The following MINDY4 variants were observed in gnomAD, a reference collection of about 807,000 sequenced individuals.
MINDY4 encodes MINDY lysine 48 deubiquitinase 4.
A neutral mutation model predicts 87.0 loss-of-function variants in MINDY4; 68 were observed. The observed-to-expected ratio is 0.78, with a 90% confidence interval of 0.64 to 0.96. The LOEUF is 0.96. Ranked by LOEUF, MINDY4 falls within the 40% of genes least tolerant of loss-of-function variation. The pLI is 0.00. For synonymous variants in MINDY4, 379 were observed against 363.2 expected (o/e 1.04, Z -0.50); for missense variants, 919 against 928.2 (o/e 0.99, Z 0.13).
chr7:30,810,174 CAAAAAA>C (rs58498956), intron 5 of MINDY4, among the ~76,000 whole-genome samples: 21 of 66,708 alleles, frequency 3.1e-4, no homozygotes, highest in Middle Eastern at 0.016. Context: ...GACTCTGTTT[CAAAAAA>C]AAAAAAAAAA....
intron 5 of MINDY4, among the ~76,000 whole-genome samples, chr7:30,807,746 T>C (rs1008180624): frequency 5.9e-5 from 9 of 152,278 alleles, no homozygotes; most frequent in African/African-American, 1.2e-4. Flanking sequence ...CCTGTCCTGT[T>C]CTGTTCTGTT....
chr7:30,873,392 T>A (rs1359989328), intron 14 of MINDY4, among the ~76,000 whole-genome samples: 1 of 152,194 alleles, frequency 6.6e-6, no homozygotes. Flanking sequence ...GTTCTCTGTT[T>A]CACTCACAAT....
chr7:30,792,169 A>G (rs1483721374), intron 5 of MINDY4, among the ~76,000 whole-genome samples: 1 of 152,216 alleles, frequency 6.6e-6, no homozygotes, highest in African/African-American at 2.4e-5. Flanking sequence ...ATTCTTTACA[A>G]TAAGCCTTAA....
At chr7:30,830,550 A>G (rs1402184824) in intron 6 of MINDY4, among the ~76,000 whole-genome samples, 1 of 152,220 alleles carries the variant, frequency 6.6e-6, no homozygotes, top group Non-Finnish European at 1.5e-5. Flanking sequence ...GGTGGCAGGA[A>G]GGAGAAGTCC....
intron 12 of MINDY4, 124 bp downstream of exon 12, chr7:30,853,583 G>A (rs1789484312): frequency 1.1e-6 from 1 of 869,848 alleles, no homozygotes; most frequent in Admixed American, 2.0e-5. Flanking sequence ...GAGGAAGCTG[G>A]GAAGGAGTAA....
chr7:30,839,138 C>A, intron 7 of MINDY4, 62 bp from the exon 8 acceptor site: 1 of 1,116,932 alleles, frequency 9.0e-7, no homozygotes, highest in Non-Finnish European at 1.3e-6. Context: ...AATATGCACA[C>A]TGAACATCGT....
At chr7:30,812,278 G>C (rs13311603) in intron 5 of MINDY4, among the ~76,000 whole-genome samples, 4 of 96,960 alleles carry the variant, frequency 4.1e-5, no homozygotes, top group South Asian at 6.7e-4. Context: ...TTGAGGGGGG[G>C]GGGGTATGTA....
chr7:30,847,451 G>A (rs1037192343), intron 9 of MINDY4, among the ~76,000 whole-genome samples: 9 of 152,142 alleles, frequency 5.9e-5, no homozygotes, highest in African/African-American at 1.7e-4. Context: ...AGGCAAAGGA[G>A]GCTGGTTCCT....
chr7:30,776,601 G>C (rs1786824854), intron 1 of MINDY4, among the ~76,000 whole-genome samples: 1 of 152,172 alleles, frequency 6.6e-6, no homozygotes, highest in Non-Finnish European at 1.5e-5. Context: ...CTAGCAACTG[G>C]ACTTACGGAC....
chr7:30,819,255 C>T (rs1788251589), intron 5 of MINDY4, among the ~76,000 whole-genome samples: 3 of 152,200 alleles, frequency 2.0e-5, no homozygotes, highest in South Asian at 4.2e-4. Flanking sequence ...TAATGTTAAC[C>T]ATTTTGAAAT....
intron 13 of MINDY4, among the ~76,000 whole-genome samples, chr7:30,860,067 G>A (rs1789702607): frequency 6.6e-6 from 1 of 152,162 alleles, no homozygotes; most frequent in Non-Finnish European, 1.5e-5. Context: ...TCACTTTCAA[G>A]CAGAGGACAG....
At chr7:30,855,006 A>G (rs1391941976) in intron 12 of MINDY4, among the ~76,000 whole-genome samples, 2 of 152,242 alleles carry the variant, frequency 1.3e-5, no homozygotes, top group African/African-American at 4.8e-5. Context: ...CGGGAGCCCC[A>G]GGCTGTCTGT....
intron 10 of MINDY4, among the ~76,000 whole-genome samples, chr7:30,851,598 T>C (rs1789414536): frequency 6.6e-6 from 1 of 152,250 alleles, no homozygotes; most frequent in African/African-American, 2.4e-5. Context: ...ACCTTCCAGT[T>C]AACTTATTAA....
intron 15 of MINDY4, among the ~76,000 whole-genome samples, chr7:30,879,651 T>G (rs1790398982): frequency 6.6e-6 from 1 of 152,216 alleles, no homozygotes; most frequent in Non-Finnish European, 1.5e-5. Flanking sequence ...CTTTTCCCTG[T>G]TATCGTTTTG....
At chr7:30,849,143 C>T (rs2128570366) in intron 9 of MINDY4, among the ~76,000 whole-genome samples, 1 of 152,318 alleles carries the variant, frequency 6.6e-6, no homozygotes, top group Non-Finnish European at 1.5e-5. Context: ...TGACCACATG[C>T]TGCCCACTGT....
At position 30,882,924 on chromosome 7, in the gene MINDY4, C is replaced by G; in HGVS notation, c.2156C>G (p.Thr719Ser). Residue 719 changes from threonine (T) to serine (S), a missense_variant, in exon 17 of 18, where the codon ACC becomes AGC. By Grantham distance (58) the Thr-to-Ser change is moderately conservative. Transcript: ENST00000265299. ...GTGCCTCTCTCCTCCTTCCCAGACA[C>G]CACCCAAACCATCTCTGAGGACACA... ...QQEQIRLTID[T>S]TQTISEDTDN... 6.2e-7 allele frequency: 1 copy of G among 1,613,946 alleles called. No homozygotes were observed.
At position 30,791,246 on chromosome 7, in the gene MINDY4, C is replaced by T. The variant is rs780649449; in HGVS notation, c.745C>T (p.Pro249Ser). ...ACCCCAAGAAGAGAGCCGGAAGGTC[C>T]CTGAGCTCTTTGTCTGCACCCAACA... The part of the protein sequence containing the change: ...TQPQEESRKV[P>S]ELFVCTQQDI... The change falls in exon 5 of 18, where the codon CCT becomes TCT. Residue 249 changes from proline (P) to serine (S), a missense_variant. Physicochemically the swap from Pro to Ser is moderately conservative, Grantham distance 74. Coordinates refer to ENST00000265299, the MANE Select transcript of MINDY4 (RefSeq NM_032222.3). 1 of 1,614,158 alleles carries T rather than the reference C, an allele frequency of 6.2e-7. No individual in the cohort carries two copies. Among genetic ancestry groups the T allele is most frequent in the South Asian group, 1.1e-5 (1 of 91,084 alleles).
At chr7:30,779,238 C>A (rs1196247323) in intron 2 of MINDY4, among the ~76,000 whole-genome samples, 1 of 152,224 alleles carries the variant, frequency 6.6e-6, no homozygotes, top group Non-Finnish European at 1.5e-5. Context: ...ACCTTGGACA[C>A]AGCAGAAGCC....
At chr7:30,791,736 G>A (rs574136329) in intron 5 of MINDY4, among the ~76,000 whole-genome samples, 162 bp downstream of exon 5, 6 of 152,312 alleles carry the variant, frequency 3.9e-5, no homozygotes, top group African/African-American at 1.4e-4. Flanking sequence ...TGGTCAACCA[G>A]GAAGAAAACT....
Sources: gnomAD v4.1 joint callset for allele counts (sites outside exome capture counted in the v4.1 genomes callset) on GRCh38, gnomAD v4.1.1 for gene constraint, MANE v1.5 for transcripts, NCBI Gene and HGNC (gene_info 2026-07-23, HGNC 2026-07-21) for gene names.